The following NCAPD3 variants were observed in gnomAD, a reference collection of about 807,000 sequenced individuals.
NCAPD3 encodes the protein condensin-2 complex subunit D3.
NCAPD3 carries 105 observed loss-of-function variants against 182.9 expected under a neutral mutation model. The ratio of observed to expected loss-of-function variants is 0.57; its 90% CI spans 0.49 to 0.68. The LOEUF is 0.68. NCAPD3 is among the 30% of genes least tolerant of loss of function. The probability of loss-of-function intolerance (pLI) is 0.00; values close to 1 mark genes in which losing one functional copy is unlikely to be tolerated. For synonymous variants in NCAPD3, 815 were observed against 679.9 expected, an observed-to-expected ratio of 1.20 and a Z score of -3.09; for missense variants, 1,944 against 1,837.0, an observed-to-expected ratio of 1.06 and a Z score of -1.07.
chr11:134,204,628 G>A lies in NCAPD3; in HGVS notation c.1089+271C>T, dbSNP rs1944813085. Among the ~76,000 whole-genome samples the A allele has an allele frequency of 6.6e-6, 1 of 152,146 alleles. No homozygotes were observed. Among genetic ancestry groups the A allele is most frequent in the South Asian group, 2.1e-4 (1 of 4,830 alleles). ...TAAGTGACACAAAACTGTGGAACTC[G>A]GTGATGGGTATGTGGTGGTTCACCA... On this transcript the variant is annotated intron_variant, in intron 9 of 34. Coordinates refer to ENST00000534548, the MANE Select transcript of NCAPD3 (RefSeq NM_015261.3). The surrounding 1 kb of genome is among the most constrained non-coding windows in gnomAD (Gnocchi z 4.3).
chr11:134,185,621 GCT>G, intron 16 of NCAPD3, 95 bp from the exon 17 acceptor site: 1 of 1,010,850 alleles, frequency 9.9e-7, no homozygotes, highest in South Asian at 1.8e-5. Flanking sequence ...AACTTCTGCT[GCT>G]CCAGGACTCA....
Position 134,152,246 on chromosome 11 carries a change from T to C in NCAPD3, c.*698A>G, listed in dbSNP as rs1943262529. 6.6e-6 allele frequency among the ~76,000 whole-genome samples: 1 copy of C among 152,260 alleles called. No individual in the cohort carries two copies. Among genetic ancestry groups the C allele is most frequent in the Non-Finnish European group, 1.5e-5 (1 of 68,046 alleles). On this transcript the variant is annotated 3_prime_UTR_variant, in exon 35 of 35. Transcript: ENST00000534548. ...GCCATTTTTTCCCAAGAAGGGATGC[T>C]GTTCATGTCTGTTAGGGAAAGCACA...
chr11:134,185,333 A>G lies in NCAPD3; in HGVS notation c.2237+2T>C. Reference sequence around the variant, plus strand: ...TTACTGGTTAAATTAGAAGATACAAACCTGCTGATTTTCTCCCAAGATTGT... The same window carrying G: ...TTACTGGTTAAATTAGAAGATACAAGCCTGCTGATTTTCTCCCAAGATTGT... On this transcript the variant is annotated splice_donor_variant, in intron 17 of 34. Coordinates refer to ENST00000534548, the MANE Select transcript of NCAPD3 (RefSeq NM_015261.3). LOFTEE classifies it high-confidence loss of function. 1.2e-6 allele frequency: 2 copies of G among 1,600,398 alleles called. No individual in the cohort carries two copies. The highest frequency in any genetic ancestry group is 2.7e-5 in the African/African-American group (2 of 74,512).
upstream of NCAPD3, chr11:134,225,368 C>T (rs1938430764): frequency 2.5e-6 from 4 of 1,611,564 alleles, no homozygotes; most frequent in Middle Eastern, 1.6e-4. Flanking sequence ...CCGGGACCCC[C>T]TCCCCCAGCG....
intron 8 of NCAPD3, 47 bp from the exon 9 acceptor site, chr11:134,205,018 C>CTGTAT: frequency 2.0e-6 from 3 of 1,466,664 alleles, no homozygotes; most frequent in Non-Finnish European, 2.9e-6. Flanking sequence ...CAGTCAGCGA[C>CTGTAT]TGTCCCCAAA....
chr11:134,220,828 T>A (rs1938201543), intron 1 of NCAPD3, 102 bp from the exon 2 acceptor site: 4 of 1,092,764 alleles, frequency 3.7e-6, no homozygotes, highest in Non-Finnish European at 5.2e-6. Context: ...AGTTTACTAG[T>A]CACGATTCAC....
intron 20 of NCAPD3, among the ~76,000 whole-genome samples, chr11:134,179,456 T>C (rs563214965): frequency 3.7e-4 from 56 of 152,350 alleles, no homozygotes; most frequent in African/African-American, 1.3e-3. Flanking sequence ...ACTACATAAG[T>C]ATATGCCATT....
In NCAPD3 at chr11:134,209,163, C is replaced by T. The variant is rs1420626063; in HGVS notation, c.776G>A (p.Cys259Tyr). 2 of 1,613,502 alleles carry T rather than the reference C, an allele frequency of 1.2e-6. No homozygotes were observed. Among genetic ancestry groups the T allele is most frequent in the Non-Finnish European group, 1.7e-6 (2 of 1,179,742 alleles). Reference sequence around the variant, plus strand: ...GGCTCACCTGGCTTGTGTAACATGACATTCATGAAGAACTGGCTCAAAATT... The same window carrying T: ...GGCTCACCTGGCTTGTGTAACATGATATTCATGAAGAACTGGCTCAAAATT... ...LTNFEPVLHE[C>Y]HVTQARALNQ... The change falls in exon 6 of 35, where the codon TGT (cysteine) becomes TAT (tyrosine). Residue 259 changes from cysteine to tyrosine, a missense_variant. Cys to Tyr is a radical substitution (Grantham distance 194, BLOSUM62 -2). Coordinates refer to ENST00000534548, the MANE Select transcript of NCAPD3 (RefSeq NM_015261.3).
chr11:134,158,211 G>C (rs1422135079), intron 30 of NCAPD3, 118 bp downstream of exon 30: 1 of 1,524,058 alleles, frequency 6.6e-7, no homozygotes, highest in Non-Finnish European at 8.9e-7. Context: ...GTGTGGAGCG[G>C]GGTGGCAGGC....
At chr11:134,163,967 G>A (rs1431182821) in intron 27 of NCAPD3, among the ~76,000 whole-genome samples, 2 of 151,980 alleles carry the variant, frequency 1.3e-5, no homozygotes, top group African/African-American at 4.8e-5. Flanking sequence ...AAACAGAAAG[G>A]GTGGTAAGGA....
At chr11:134,166,959 T>C (rs1341617137) in intron 27 of NCAPD3, among the ~76,000 whole-genome samples, 1 of 110,870 alleles carries the variant, frequency 9.0e-6, no homozygotes, top group Non-Finnish European at 1.8e-5. Flanking sequence ...ACTAGTGAGA[T>C]GAGCTTAGGG....
chr11:134,158,532 C>CT, intron 29 of NCAPD3, 37 bp from the exon 30 acceptor site: 2 of 1,590,190 alleles, frequency 1.3e-6, no homozygotes, highest in Non-Finnish European at 1.7e-6. Context: ...CATTCTAATA[C>CT]TTTTTAAGTT....
chr11:134,204,712 GT>G lies in NCAPD3; in HGVS notation c.1089+186del, dbSNP rs968680017. On this transcript the variant is annotated intron_variant, in intron 9 of 34. Transcript: ENST00000534548. The surrounding 1 kb of genome is among the most constrained non-coding windows in gnomAD (Gnocchi z 4.3). The stretch of plus-strand genomic sequence containing the variant: ...CATTTTTCCAAAACAAAGTTTTTTT[GT>G]TTTTTTGTTTTTTATAGAACACTTT... Among the ~76,000 whole-genome samples, 1 of 151,642 alleles carries G rather than the reference GT, an allele frequency of 6.6e-6. No homozygotes were observed. The highest frequency in any genetic ancestry group is 2.0e-4 in the East Asian group (1 of 4,988).
At chr11:134,177,072 T>G in intron 23 of NCAPD3, 147 bp downstream of exon 23, 1 of 656,374 alleles carries the variant, frequency 1.5e-6, no homozygotes, top group Non-Finnish European at 2.7e-6. Context: ...GTGCTAAACA[T>G]CAGAAGAGTA....
intron 6 of NCAPD3, 34 bp from the exon 7 acceptor site, chr11:134,208,985 T>C (rs1334304560): frequency 3.9e-6 from 6 of 1,519,880 alleles, no homozygotes; most frequent in Non-Finnish European, 4.5e-6. Flanking sequence ...AGTTAATGGA[T>C]ATGATTTTAC....
chr11:134,154,853 T>G (rs1320385983), intron 32 of NCAPD3, among the ~76,000 whole-genome samples: 6 of 152,250 alleles, frequency 3.9e-5, no homozygotes, highest in African/African-American at 1.4e-4. Context: ...GTGTACCCGA[T>G]GGCTACTTGA....
At chr11:134,171,136 C>T (rs986096188) in intron 24 of NCAPD3, among the ~76,000 whole-genome samples, 2 of 152,094 alleles carry the variant, frequency 1.3e-5, no homozygotes, top group African/African-American at 4.8e-5. Flanking sequence ...GCTGGGAGCT[C>T]GTTCAGCATC....
In NCAPD3 at chr11:134,176,193, C is replaced by T. The variant is rs1397912690; in HGVS notation, c.3101+114G>A. The T allele has an allele frequency of 6.0e-5, 53 of 878,502 alleles. 2 individuals are homozygous for T. In the South Asian group the frequency reaches 6.6e-4, roughly 11 times the overall value. 54.4% of individuals were successfully genotyped at this position (878,502 alleles called of 1,614,324 possible). On this transcript the variant is annotated intron_variant, in intron 24 of 34. Coordinates refer to ENST00000534548, the MANE Select transcript of NCAPD3 (RefSeq NM_015261.3). Reference sequence around the variant, plus strand: ...ATCTGCTAATTTTCCTGGCACCTACCGAAAGCTCACTAAATCCTACTTAAC... The same window carrying T: ...ATCTGCTAATTTTCCTGGCACCTACTGAAAGCTCACTAAATCCTACTTAAC...
At chr11:134,201,323 C>T (rs1944744804) in intron 13 of NCAPD3, among the ~76,000 whole-genome samples, 1 of 152,036 alleles carries the variant, frequency 6.6e-6, no homozygotes, top group Non-Finnish European at 1.5e-5. Context: ...CCACGCCTGG[C>T]CCAGAATAGG....
Sources: gnomAD v4.1 joint callset for allele counts (sites outside exome capture counted in the v4.1 genomes callset) on GRCh38, gnomAD v4.1.1 for gene constraint, Gnocchi (gnomAD v3.1) non-coding constraint, MANE v1.5 for transcripts, NCBI Gene and HGNC (gene_info 2026-07-23, HGNC 2026-07-21) for gene names.